The following DACH1 variants were observed in gnomAD, a reference collection of about 807,000 sequenced individuals.
DACH1 encodes dachshund homolog 1.
A neutral mutation model predicts 54.2 loss-of-function variants in DACH1; 12 were observed. The ratio of observed to expected loss-of-function variants is 0.22; its 90% CI spans 0.14 to 0.36. The LOEUF (loss-of-function observed/expected upper bound fraction) is 0.36, where lower values mean the gene tolerates loss of function less well. Ranked by LOEUF, DACH1 falls within the 10% of genes least tolerant of loss-of-function variation. DACH1 has a pLI of 1.00. For synonymous variants in DACH1, 386 were observed against 366.2 expected (o/e 1.05, Z -0.62); for missense variants, 805 against 929.8 (o/e 0.87, Z 1.75).
rs117810816 is a variant in DACH1, at chr13:71,749,577, A to T, written c.849-67667T>A. ...AGTAAACATAATTATTATTACTAATATTTTGACAAATTTACCTTTTTCAGC... is the reference window on the plus strand; with the variant it reads ...AGTAAACATAATTATTATTACTAATTTTTTGACAAATTTACCTTTTTCAGC... On this transcript the variant is annotated intron_variant, in intron 1 of 10. Coordinates refer to ENST00000613252, the MANE Select transcript of DACH1 (RefSeq NM_080759.6). Among the ~76,000 whole-genome samples, 1,076 of 152,304 alleles carry T rather than the reference A, an allele frequency of 7.1e-3. 7 individuals carry two copies. Among genetic ancestry groups the T allele is most frequent in the Middle Eastern group, 0.048 (14 of 294 alleles).
At chr13:71,460,376 CTT>C (rs1223016838) in intron 10 of DACH1, among the ~76,000 whole-genome samples, 1 of 151,980 alleles carries the variant, frequency 6.6e-6, no homozygotes, top group Admixed American at 6.6e-5. Context: ...AGTTGAGACT[CTT>C]GTGGTGAGTG....
intron 10 of DACH1, among the ~76,000 whole-genome samples, chr13:71,468,266 A>G (rs1876773369): frequency 6.6e-6 from 1 of 152,212 alleles, no homozygotes; most frequent in Non-Finnish European, 1.5e-5. Context: ...TAATACTAAC[A>G]TCTAAAACTT....
intron 3 of DACH1, among the ~76,000 whole-genome samples, chr13:71,630,071 T>A (rs1478974447): frequency 6.6e-6 from 1 of 152,156 alleles, no homozygotes; most frequent in East Asian, 1.9e-4. Context: ...GTAACCATTA[T>A]CTATAGAAAG....
chr13:71,484,326 C>T (rs1878299621), intron 7 of DACH1, among the ~76,000 whole-genome samples: 3 of 152,116 alleles, frequency 2.0e-5, no homozygotes, highest in Non-Finnish European at 4.4e-5. Context: ...CCCCATCATG[C>T]CCAGCTAATT....
Position 71,740,447 on chromosome 13 carries a change from T to C in DACH1, c.849-58537A>G, listed in dbSNP as rs182077353. Among the ~76,000 whole-genome samples, 62 of 152,284 alleles carry C rather than the reference T, an allele frequency of 4.1e-4. 1 individual carries two copies. The East Asian group carries it at 8.7e-3, about 21-fold the overall frequency. The stretch of plus-strand genomic sequence containing the variant: ...GAAGCACAGGGAATTAAAAGACATC[T>C]TAGAAAGCAGATAATGTTTTAAATT... On this transcript the variant is annotated intron_variant, in intron 1 of 10. Transcript: ENST00000613252.
At chr13:71,552,985 C>A (rs976767071) in intron 6 of DACH1, among the ~76,000 whole-genome samples, 8 of 147,550 alleles carry the variant, frequency 5.4e-5, no homozygotes, top group Non-Finnish European at 1.2e-4. Context: ...AGTTCGAGAC[C>A]AGCCTGGCCA....
At chr13:71,450,652 A>G (rs1874953513) in intron 10 of DACH1, among the ~76,000 whole-genome samples, 1 of 152,176 alleles carries the variant, frequency 6.6e-6, no homozygotes, top group African/African-American at 2.4e-5. Flanking sequence ...GACAGAACAA[A>G]AGCTAGGCCT....
intron 1 of DACH1, among the ~76,000 whole-genome samples, chr13:71,823,573 C>T (rs904949930): frequency 4.6e-5 from 7 of 151,816 alleles, no homozygotes; most frequent in African/African-American, 1.7e-4. Context: ...AAATATGGAA[C>T]AGGCGAGAAA....
intron 1 of DACH1, among the ~76,000 whole-genome samples, chr13:71,806,932 T>A (rs1430358592): frequency 6.6e-6 from 1 of 152,140 alleles, no homozygotes; most frequent in East Asian, 1.9e-4. Context: ...AATTATAAAA[T>A]AGAGATGAGT....
At chr13:71,731,484 C>T (rs748196895) in intron 1 of DACH1, among the ~76,000 whole-genome samples, 1 of 151,956 alleles carries the variant, frequency 6.6e-6, no homozygotes, top group Non-Finnish European at 1.5e-5. Flanking sequence ...GGGGTTTCAC[C>T]GTGTTAGCCA....
At chr13:71,673,261 T>A (rs1008332693) in intron 2 of DACH1, among the ~76,000 whole-genome samples, 2 of 152,072 alleles carry the variant, frequency 1.3e-5, no homozygotes, top group African/African-American at 2.4e-5. Context: ...AAGAAAGAAA[T>A]GATTTTTATG....
At chr13:71,447,706 G>A (rs199965114) in intron 10 of DACH1, among the ~76,000 whole-genome samples, 1 of 151,672 alleles carries the variant, frequency 6.6e-6, no homozygotes, top group Non-Finnish European at 1.5e-5. Context: ...GGTGGCACAC[G>A]CCTGTAGTCC....
At chr13:71,807,671 C>T (rs1248454813) in intron 1 of DACH1, among the ~76,000 whole-genome samples, 1 of 152,140 alleles carries the variant, frequency 6.6e-6, no homozygotes, top group Non-Finnish European at 1.5e-5. Flanking sequence ...TTGGTCACTA[C>T]ATCACATCGA....
At chr13:71,775,972 A>C (rs1886045336) in intron 1 of DACH1, among the ~76,000 whole-genome samples, 1 of 152,270 alleles carries the variant, frequency 6.6e-6, no homozygotes, top group East Asian at 1.9e-4. Context: ...AAGCAGTATA[A>C]GAATTAAAAA....
chr13:71,762,595 C>T lies in DACH1; in HGVS notation c.849-80685G>A, dbSNP rs554341007. On this transcript the variant is annotated intron_variant, in intron 1 of 10. Transcript: ENST00000613252. Reference sequence around the variant, plus strand: ...CAGCCTGACCAACATGGAGAAACCCCGTCTCTATTAAAAACACAAAATTTA... The same window carrying T: ...CAGCCTGACCAACATGGAGAAACCCTGTCTCTATTAAAAACACAAAATTTA... Among the ~76,000 whole-genome samples the T allele has an allele frequency of 6.6e-5, 10 of 151,600 alleles. 1 individual carries two copies. In the South Asian group the frequency reaches 1.0e-3, roughly 16 times the overall value.
intron 10 of DACH1, among the ~76,000 whole-genome samples, chr13:71,466,669 C>G (rs1450079066): frequency 6.6e-6 from 1 of 151,886 alleles, no homozygotes; most frequent in African/African-American, 2.4e-5. Flanking sequence ...ATGGCAAAAC[C>G]CTGTGTCTAC....
chr13:71,610,606 A>T (rs576333315), intron 3 of DACH1, among the ~76,000 whole-genome samples: 1 of 152,302 alleles, frequency 6.6e-6, no homozygotes, highest in Non-Finnish European at 1.5e-5. Flanking sequence ...TAACACAAAA[A>T]CATATCATAT....
chr13:71,771,778 A>G (rs570578903), intron 1 of DACH1, among the ~76,000 whole-genome samples: 1 of 151,434 alleles, frequency 6.6e-6, no homozygotes, highest in East Asian at 1.9e-4. Flanking sequence ...TTACACACAC[A>G]CACACATACA....
Position 71,832,973 on chromosome 13 carries a change from TTTTTTA to T in DACH1, c.848+32943_848+32948del, listed in dbSNP as rs1318736518. Among the ~76,000 whole-genome samples the T allele has an allele frequency of 5.9e-5, 9 of 151,952 alleles. No individual in the cohort carries two copies. The East Asian group carries it at 7.7e-4, about 13-fold the overall frequency. On this transcript the variant is annotated intron_variant, in intron 1 of 10. Coordinates refer to ENST00000613252, the MANE Select transcript of DACH1 (RefSeq NM_080759.6). ...AAACAATCTGAATTCCACTCCCTAC[TTTTTTA>T]TTTTTATTTTTATTTTTAATGAAAT... is the stretch of plus-strand genomic sequence containing the variant.
Sources: gnomAD v4.1 joint callset for allele counts (sites outside exome capture counted in the v4.1 genomes callset) on GRCh38, gnomAD v4.1.1 for gene constraint, MANE v1.5 for transcripts, NCBI Gene and HGNC (gene_info 2026-07-23, HGNC 2026-07-21) for gene names.